The following HOOK1 variants were observed in gnomAD, a reference collection of about 807,000 sequenced individuals.
The protein encoded by HOOK1 is protein Hook homolog 1.
A neutral mutation model predicts 112.8 loss-of-function variants in HOOK1; 60 were observed. That is an observed-to-expected ratio of 0.53 (90% CI 0.43 to 0.66). HOOK1 has a LOEUF of 0.66. Among genes scored for constraint, HOOK1 ranks in the 30% least tolerant of loss-of-function variants. HOOK1 has a pLI of 0.00. For synonymous variants in HOOK1, 294 were observed against 283.8 expected, an observed-to-expected ratio of 1.04 and a Z score of -0.36; for missense variants, 770 against 856.0, an observed-to-expected ratio of 0.90 and a Z score of 1.25.
intron 1 of HOOK1, among the ~76,000 whole-genome samples, chr1:59,818,645 A>C (rs1255823263): frequency 6.6e-6 from 1 of 152,268 alleles, no homozygotes; most frequent in Non-Finnish European, 1.5e-5. Context: ...TAAAATTAGA[A>C]GGTTGGACCA....
chr1:59,825,748 T>C (rs1400717182), intron 2 of HOOK1, among the ~76,000 whole-genome samples: 1 of 152,252 alleles, frequency 6.6e-6, no homozygotes. Flanking sequence ...TGAAATGTAC[T>C]GAAGTCATCC....
intron 14 of HOOK1, among the ~76,000 whole-genome samples, chr1:59,859,553 C>T (rs2098412469): frequency 6.6e-6 from 1 of 151,616 alleles, no homozygotes; most frequent in Non-Finnish European, 1.5e-5. Flanking sequence ...ATTGAGATTA[C>T]TTGAAATTAG....
chr1:59,840,988 T>A (rs1348169701), intron 8 of HOOK1, among the ~76,000 whole-genome samples: 1 of 152,180 alleles, frequency 6.6e-6, no homozygotes, highest in Non-Finnish European at 1.5e-5. Flanking sequence ...TAGCTGGTTA[T>A]ATGCTCCAGG....
intron 12 of HOOK1, among the ~76,000 whole-genome samples, chr1:59,850,995 G>T (rs532096982): frequency 1.3e-5 from 2 of 151,678 alleles, no homozygotes; most frequent in South Asian, 2.1e-4. Context: ...GGGTTTATTT[G>T]TGGTCTTTTA....
chr1:59,843,448 A>G lies in HOOK1; in HGVS notation c.638A>G (p.Asp213Gly), dbSNP rs563968977. 2.5e-6 allele frequency: 4 copies of G among 1,609,644 alleles called. No individual in the cohort carries two copies. The East Asian group carries it at 6.7e-5, about 27-fold the overall frequency. Residue 213 changes from aspartate to glycine, a missense_variant, in exon 9 of 22, where the codon GAT becomes GGT. Around this residue, in one of 3 missense-constraint regions of HOOK1, gnomAD observed 655 missense variants for 725.9 expected, o/e 0.90. Transcript: ENST00000371208. ...GTTTCTTAGGTGACTACACTTCAAG[A>G]TGAAAAGAATTCACTGGTTTCTGAA... The part of the protein sequence containing the change: ...ELDMQVTTLQ[D>G]EKNSLVSENE...
chr1:59,819,589 G>A (rs2098384092), intron 1 of HOOK1, among the ~76,000 whole-genome samples: 1 of 152,208 alleles, frequency 6.6e-6, no homozygotes, highest in Non-Finnish European at 1.5e-5. Context: ...GTCCATGGCA[G>A]GAAGGAGGGG....
chr1:59,825,922 G>A (rs1217638786), intron 2 of HOOK1, among the ~76,000 whole-genome samples: 1 of 152,054 alleles, frequency 6.6e-6, no homozygotes, highest in Non-Finnish European at 1.5e-5. Context: ...ATCTATCCAT[G>A]GACATACTTA....
intron 7 of HOOK1, among the ~76,000 whole-genome samples, chr1:59,839,865 T>G (rs113983869): frequency 6.6e-6 from 1 of 152,284 alleles, no homozygotes; most frequent in East Asian, 1.9e-4. Flanking sequence ...ATACGTTCCA[T>G]TGATACCTAG....
chr1:59,834,670 G>A (rs1256650947), intron 5 of HOOK1, among the ~76,000 whole-genome samples: 3 of 151,744 alleles, frequency 2.0e-5, no homozygotes, highest in Admixed American at 6.6e-5. Flanking sequence ...TGTTGTAATC[G>A]TGATTATTTT....
At position 59,867,053 on chromosome 1, in the gene HOOK1, AT is replaced by A. The variant is rs1196241457; in HGVS notation, c.1845+1086del. On this transcript the variant is annotated intron_variant, in intron 19 of 21. Coordinates refer to ENST00000371208, the MANE Select transcript of HOOK1 (RefSeq NM_015888.6). ...ACAAAACCATGACAATGAATACCAC[AT>A]TTTTGCCACCATTGATTAATATCAT... Among the ~76,000 whole-genome samples the A allele has an allele frequency of 6.6e-5, 10 of 152,224 alleles. No homozygotes were observed. In the South Asian group the frequency reaches 2.1e-3, roughly 32 times the overall value.
At chr1:59,867,676 C>A (rs1329850803) in intron 19 of HOOK1, among the ~76,000 whole-genome samples, 2 of 152,088 alleles carry the variant, frequency 1.3e-5, no homozygotes, top group East Asian at 3.8e-4. Context: ...TCAAACATAT[C>A]TTTTTACTCA....
chr1:59,845,932 T>C (rs2098403535), intron 9 of HOOK1, among the ~76,000 whole-genome samples: 1 of 151,838 alleles, frequency 6.6e-6, no homozygotes, highest in Non-Finnish European at 1.5e-5. Context: ...TATGTAAAAA[T>C]GTTATTTCTT....
intron 12 of HOOK1, among the ~76,000 whole-genome samples, chr1:59,854,421 AGT>A (rs2098409451): frequency 6.6e-6 from 1 of 151,548 alleles, no homozygotes; most frequent in Non-Finnish European, 1.5e-5. Flanking sequence ...ATTTCTCAGT[AGT>A]GTCCTTTTAT....
At chr1:59,826,285 T>G (rs1415152384) in intron 2 of HOOK1, among the ~76,000 whole-genome samples, 2 of 151,880 alleles carry the variant, frequency 1.3e-5, no homozygotes, top group African/African-American at 2.4e-5. Flanking sequence ...AAGGAGCTAA[T>G]TATTGGGTGC....
At chr1:59,845,570 TG>T (rs750117822) in intron 9 of HOOK1, among the ~76,000 whole-genome samples, 5 of 150,660 alleles carry the variant, frequency 3.3e-5, no homozygotes, top group Non-Finnish European at 7.4e-5. Context: ...AAAAGTTTTT[TG>T]TTTTTGTTTT....
chr1:59,843,686 C>G (rs1288343133), intron 9 of HOOK1, 88 bp downstream of exon 9: 2 of 973,726 alleles, frequency 2.1e-6, no homozygotes, highest in Admixed American at 5.4e-5. Context: ...AATTACTAAG[C>G]ATTGTTAAGC....
intron 16 of HOOK1, among the ~76,000 whole-genome samples, chr1:59,864,045 A>G (rs2098414986): frequency 6.6e-6 from 1 of 152,006 alleles, no homozygotes; most frequent in African/African-American, 2.4e-5. Context: ...TAAATACTTC[A>G]CCTATACAAT....
intron 12 of HOOK1, among the ~76,000 whole-genome samples, chr1:59,857,586 C>T (rs1327316087): frequency 6.6e-6 from 1 of 152,148 alleles, no homozygotes. Context: ...TTCAGAGATC[C>T]TTAAGGCACC....
At chr1:59,865,329 T>C in intron 18 of HOOK1, 84 bp downstream of exon 18, 1 of 785,684 alleles carries the variant, frequency 1.3e-6, no homozygotes, top group Non-Finnish European at 2.2e-6. Flanking sequence ...GGTCTATGTG[T>C]AAGTTTTTGC....
Sources: gnomAD v4.1 joint callset for allele counts (sites outside exome capture counted in the v4.1 genomes callset) on GRCh38, gnomAD v4.1.1 for gene constraint, gnomAD v4.1.1 regional missense constraint, MANE v1.5 for transcripts, NCBI Gene and HGNC (gene_info 2026-07-23, HGNC 2026-07-21) for gene names.